Variants in C17orf67 observed in about 807,000 individuals in gnomAD.
C17orf67 encodes uncharacterized protein C17orf67.
C17orf67 carries 12 observed loss-of-function variants against 11.2 expected under a neutral mutation model. The observed-to-expected ratio is 1.07, with a 90% CI of 0.68 to 1.73. The LOEUF is 1.73. C17orf67 is among the 40% of genes most tolerant of loss of function. C17orf67 has a pLI of 0.00. For synonymous variants in C17orf67, 59 were observed against 46.9 expected (o/e 1.26, Z -1.05); for missense variants, 115 against 113.5 (o/e 1.01, Z -0.06).
intron 4 of C17orf67, among the ~76,000 whole-genome samples, chr17:56,821,359 T>C (rs910617390): frequency 6.6e-6 from 1 of 152,234 alleles, no homozygotes; most frequent in Non-Finnish European, 1.5e-5. Flanking sequence ...GAATTATATA[T>C]ACATTGTAAA....
intron 6 of C17orf67, among the ~76,000 whole-genome samples, chr17:56,809,609 T>C: frequency 1.3e-5 from 1 of 77,754 alleles, no homozygotes; most frequent in Non-Finnish European, 2.5e-5. Flanking sequence ...CACACAACCC[T>C]CACGCGCACA....
intron 6 of C17orf67, among the ~76,000 whole-genome samples, chr17:56,801,680 C>T (rs1905325469): frequency 6.6e-6 from 1 of 152,126 alleles, no homozygotes; most frequent in South Asian, 2.1e-4. Flanking sequence ...TTGTGGGATC[C>T]AACAGTGATT....
rs544744870 is a variant in C17orf67, at chr17:56,815,572, A to AT, written c.55+183_55+184insA. The stretch of plus-strand genomic sequence containing the variant: ...CAAATACATTTAAAGATTTTTAAAA[A>AT]ATATATAACATCTTTAATGATAAAA... On this transcript the variant is annotated intron_variant, in intron 5 of 7. Coordinates refer to ENST00000397861, the MANE Select transcript of C17orf67 (RefSeq NM_001085430.4). Among the ~76,000 whole-genome samples the AT allele has an allele frequency of 2.6e-3, 392 of 152,292 alleles. 1 individual carries two copies. The highest frequency in any genetic ancestry group is 4.6e-3 in the Non-Finnish European group (315 of 68,020).
chr17:56,806,648 C>G (rs1306550460), intron 6 of C17orf67, among the ~76,000 whole-genome samples: 1 of 152,192 alleles, frequency 6.6e-6, no homozygotes, highest in Non-Finnish European at 1.5e-5. Flanking sequence ...CTCAGCCTCT[C>G]CTGAGTAGCT....
At chr17:56,831,260 C>A (rs146892688) in intron 2 of C17orf67, among the ~76,000 whole-genome samples, 1 of 151,930 alleles carries the variant, frequency 6.6e-6, no homozygotes, top group Admixed American at 6.6e-5. Flanking sequence ...TGCCAGAGAC[C>A]GAGAGACTCA....
At chr17:56,823,493 C>T (rs1905954247) in intron 4 of C17orf67, among the ~76,000 whole-genome samples, 1 of 152,074 alleles carries the variant, frequency 6.6e-6, no homozygotes, top group Non-Finnish European at 1.5e-5. Context: ...CAAAGTTTTG[C>T]TTGTGTGGAA....
chr17:56,819,116 C>T (rs947821581), intron 4 of C17orf67, among the ~76,000 whole-genome samples: 3 of 152,190 alleles, frequency 2.0e-5, no homozygotes, highest in Non-Finnish European at 4.4e-5. Context: ...CACAACAGGA[C>T]CCTGTGTTTT....
At position 56,825,338 on chromosome 17, in the gene C17orf67, A is replaced by G. The variant is rs1905999553; in HGVS notation, c.-556-17T>C. 6.6e-6 allele frequency: 1 copy of G among 152,258 alleles called. No homozygotes were observed. The highest frequency in any genetic ancestry group is 2.4e-5 in the African/African-American group (1 of 41,468). The allele number at this position is 152,258 out of a possible 1,614,324, so 9.4% of individuals were successfully genotyped here. On this transcript the variant is annotated splice_polypyrimidine_tract_variant and intron_variant, in intron 2 of 7. Coordinates refer to ENST00000397861, the MANE Select transcript of C17orf67 (RefSeq NM_001085430.4). ...TTTCTTCATCTGTAAAATAAGGATG[A>G]TAAACTTAACACAGTGCCTAGGACC...
At chr17:56,829,542 T>C (rs931191052) in intron 2 of C17orf67, among the ~76,000 whole-genome samples, 2 of 152,142 alleles carry the variant, frequency 1.3e-5, no homozygotes, top group African/African-American at 4.8e-5. Flanking sequence ...GCAGCGCTGT[T>C]CTCTCCCCTC....
At chr17:56,819,167 C>T (rs1249528306) in intron 4 of C17orf67, among the ~76,000 whole-genome samples, 1 of 152,164 alleles carries the variant, frequency 6.6e-6, no homozygotes, top group African/African-American at 2.4e-5. Context: ...CAACCACTCC[C>T]CTCCTGCTCA....
intron 6 of C17orf67, among the ~76,000 whole-genome samples, chr17:56,800,031 G>T (rs1394321816): frequency 7.3e-6 from 1 of 136,182 alleles, no homozygotes. Context: ...AATCCCTCTT[G>T]ATTTTTCTGT....
chr17:56,797,264 T>A (rs1017337771), intron 6 of C17orf67, among the ~76,000 whole-genome samples: 1 of 152,172 alleles, frequency 6.6e-6, no homozygotes, highest in African/African-American at 2.4e-5. Flanking sequence ...AGGGAAGTCA[T>A]GACCATGTCT....
chr17:56,821,523 G>T (rs1008286356), intron 4 of C17orf67, among the ~76,000 whole-genome samples: 1 of 152,082 alleles, frequency 6.6e-6, no homozygotes, highest in Admixed American at 6.6e-5. Context: ...CCACATCTAG[G>T]CCACTGTTAT....
intron 4 of C17orf67, among the ~76,000 whole-genome samples, chr17:56,816,634 C>T (rs1905768292): frequency 6.6e-6 from 1 of 152,230 alleles, no homozygotes; most frequent in Admixed American, 6.5e-5. Flanking sequence ...ATCATGTGCT[C>T]TTCCCAGTAA....
At chr17:56,801,448 A>G (rs1016945779) in intron 6 of C17orf67, among the ~76,000 whole-genome samples, 2 of 152,216 alleles carry the variant, frequency 1.3e-5, no homozygotes, top group African/African-American at 4.8e-5. Context: ...TCTGCATTCT[A>G]CATCAAATGT....
intron 6 of C17orf67, 104 bp downstream of exon 6, chr17:56,814,765 A>T (rs4794668): frequency 9.0e-7 from 1 of 1,109,152 alleles, no homozygotes; most frequent in Non-Finnish European, 1.4e-6. Flanking sequence ...AACTCTAACC[A>T]AACCCCTAAC....
chr17:56,797,534 G>A (rs1905235951), intron 6 of C17orf67, among the ~76,000 whole-genome samples: 1 of 152,184 alleles, frequency 6.6e-6, no homozygotes. Context: ...ACAGCAGGGT[G>A]GAGAACGGAC....
At chr17:56,829,262 G>A (rs1382857204) in intron 2 of C17orf67, among the ~76,000 whole-genome samples, 1 of 151,930 alleles carries the variant, frequency 6.6e-6, no homozygotes, top group Non-Finnish European at 1.5e-5. Context: ...GGCAACAAGA[G>A]CAAGACTCCA....
At chr17:56,815,626 T>C (rs2063903963) in intron 5 of C17orf67, 130 bp downstream of exon 5, 3 of 699,282 alleles carry the variant, frequency 4.3e-6, no homozygotes, top group Non-Finnish European at 5.7e-6. Context: ...TATGGAAAAA[T>C]AAGAAAAGAA....
Sources: allele counts gnomAD v4.1 joint callset (sites outside exome capture counted in the v4.1 genomes callset), GRCh38; gene constraint gnomAD v4.1.1; transcripts MANE v1.5; gene names NCBI Gene and HGNC (gene_info 2026-07-23, HGNC 2026-07-21).